Variants in ANK2 observed in about 807,000 individuals in gnomAD.
ANK2 encodes ankyrin 2.
Under a neutral mutation model 360.5 loss-of-function variants are expected in ANK2, and 83 were observed. The observed-to-expected ratio is 0.23, with a 90% CI of 0.19 to 0.28. ANK2 has a LOEUF of 0.28. ANK2 is among the 10% of genes least tolerant of loss of function. The pLI is 1.00. For missense variants in ANK2, 4,201 were observed against 4,795.7 expected, an observed-to-expected ratio of 0.88 and a Z score of 3.66; for synonymous variants, 1,740 against 1,759.5, an observed-to-expected ratio of 0.99 and a Z score of 0.28.
chr4:113,133,529 C>G lies in ANK2; in HGVS notation c.85-40887C>G, dbSNP rs7674211. Among the ~76,000 whole-genome samples, 715 of 152,180 alleles carry G rather than the reference C, an allele frequency of 4.7e-3. 4 individuals carry two copies. The highest frequency in any genetic ancestry group is 0.017 in the African/African-American group (686 of 41,532). Reference sequence around the variant, plus strand: ...CAGATGCCAGATTCCAAATCCCATGCCTTTTCGCTAAACCATGCTATACTA... The same window carrying G: ...CAGATGCCAGATTCCAAATCCCATGGCTTTTCGCTAAACCATGCTATACTA... On this transcript the variant is annotated intron_variant, in intron 1 of 45. Coordinates refer to ENST00000357077, the MANE Select transcript of ANK2 (RefSeq NM_001148.6).
At position 112,881,958 on chromosome 4, in the gene ANK2, A is replaced by T. The variant is rs184771455; in HGVS notation, c.-39-22497A>T. ...CACGGCTGCCATCTACCTCCTCCAC[A>T]GTGGCATACGTGACAAACCCAGAGC... On this transcript the variant is annotated intron_variant, in intron 1 of 30. Transcript: ENST00000503271. 1.9e-3 allele frequency: 1,195 copies of T among 629,528 alleles called. 6 individuals are homozygous for T. Among genetic ancestry groups the T allele is most frequent in the Non-Finnish European group, 2.9e-3 (977 of 340,508 alleles). 39.0% of individuals were successfully genotyped at this position (629,528 alleles called of 1,614,324 possible). A position where few individuals can be genotyped will look rare whatever the true frequency, so the allele number is the denominator to read the frequency against.
chr4:113,370,018 C>T (rs1010185943), intron 43 of ANK2, among the ~76,000 whole-genome samples: 10 of 152,172 alleles, frequency 6.6e-5, no homozygotes, highest in African/African-American at 2.2e-4. Flanking sequence ...GTTGATTTGA[C>T]CATGAGCCCT....
intron 1 of ANK2, among the ~76,000 whole-genome samples, chr4:112,855,225 C>T (rs2066057245): frequency 6.6e-6 from 1 of 152,210 alleles, no homozygotes; most frequent in African/African-American, 2.4e-5. Flanking sequence ...GCTGGGATCA[C>T]CTCGACAGCA....
intron 24 of ANK2, among the ~76,000 whole-genome samples, chr4:113,311,624 AACAAC>A: frequency 6.6e-6 from 1 of 152,254 alleles, no homozygotes; most frequent in Middle Eastern, 3.4e-3. Flanking sequence ...GGTAAAATCA[AACAAC>A]TAGTAAGAAG....
chr4:113,377,749 G>A (rs1208444567), intron 45 of ANK2, among the ~76,000 whole-genome samples: 1 of 152,000 alleles, frequency 6.6e-6, no homozygotes, highest in Non-Finnish European at 1.5e-5. Context: ...ATACCATTTG[G>A]GCCTTGTTTG....
chr4:112,711,999 AT>A, the ANK2 span, among the ~76,000 whole-genome samples: 1 of 149,966 alleles, frequency 6.7e-6, no homozygotes, highest in Non-Finnish European at 1.5e-5. Context: ...TCTATTATTA[AT>A]TGCATTCTTT....
intron 45 of ANK2, among the ~76,000 whole-genome samples, chr4:113,375,542 G>A (rs540518516): frequency 1.1e-4 from 16 of 152,016 alleles, no homozygotes; most frequent in South Asian, 4.2e-4. Flanking sequence ...TGGCTAACAC[G>A]GTGAAACCCT....
At chr4:113,269,300 C>T (rs2057551106) in intron 14 of ANK2, among the ~76,000 whole-genome samples, 2 of 152,236 alleles carry the variant, frequency 1.3e-5, no homozygotes, top group East Asian at 1.9e-4. Context: ...GTCTCACTGG[C>T]GTTCCAGGCG....
chr4:113,241,110 T>C (rs2039602149), intron 8 of ANK2, among the ~76,000 whole-genome samples: 1 of 152,216 alleles, frequency 6.6e-6, no homozygotes, highest in Non-Finnish European at 1.5e-5. Flanking sequence ...TATATATCAG[T>C]ATACTTAATA....
chr4:112,993,515 C>A (rs531394747), intron 2 of ANK2, among the ~76,000 whole-genome samples: 1 of 151,800 alleles, frequency 6.6e-6, no homozygotes, highest in Admixed American at 6.6e-5. Context: ...ACCATTGTGG[C>A]CAGGCTGGTC....
the ANK2 span, among the ~76,000 whole-genome samples, chr4:112,773,989 T>A: frequency 1.3e-5 from 2 of 151,638 alleles, no homozygotes; most frequent in African/African-American, 4.8e-5. Context: ...TTAGTAGAGA[T>A]GGGGTTTGAC....
chr4:113,292,938 G>T, intron 21 of ANK2: 4 of 351,764 alleles, frequency 1.1e-5, no homozygotes, highest in South Asian at 6.9e-5. Context: ...CTGGGATCCC[G>T]AGTGGCCTGG....
chr4:112,861,033 A>G (rs908638902), intron 1 of ANK2, among the ~76,000 whole-genome samples: 20 of 152,336 alleles, frequency 1.3e-4, no homozygotes, highest in African/African-American at 4.3e-4. Flanking sequence ...TAAATCTTAG[A>G]AGAACTATGC....
intron 9 of ANK2, among the ~76,000 whole-genome samples, chr4:113,246,838 A>G (rs2043136714): frequency 6.6e-6 from 1 of 152,212 alleles, no homozygotes; most frequent in South Asian, 2.1e-4. Context: ...CTAACAACTT[A>G]TGAAGTGTGT....
intron 29 of ANK2, 78 bp downstream of exon 29, chr4:113,333,286 G>A (rs1563833689): frequency 1.9e-6 from 3 of 1,553,748 alleles, no homozygotes; most frequent in African/African-American, 1.4e-5. Context: ...TATGACCTAG[G>A]GGTGTGTGTA....
chr4:112,778,394 A>AC, the ANK2 span, among the ~76,000 whole-genome samples: 1 of 151,394 alleles, frequency 6.6e-6, no homozygotes, highest in East Asian at 2.0e-4. Flanking sequence ...CTGGTCTTGA[A>AC]CCCCCAACCT....
At chr4:113,159,637 C>A (rs1366044917) in intron 1 of ANK2, among the ~76,000 whole-genome samples, 2 of 151,396 alleles carry the variant, frequency 1.3e-5, no homozygotes, top group East Asian at 3.9e-4. Context: ...GAGATGGAGT[C>A]TCGCTCTGTC....
chr4:113,287,479 T>G, intron 18 of ANK2, 126 bp from the exon 19 acceptor site: 1 of 774,074 alleles, frequency 1.3e-6, no homozygotes, highest in Non-Finnish European at 2.2e-6. Flanking sequence ...AAGATATAGT[T>G]TCTGGGAAGA....
intron 2 of ANK2, among the ~76,000 whole-genome samples, chr4:113,192,599 T>G (rs2098686311): frequency 6.6e-6 from 1 of 152,168 alleles, no homozygotes; most frequent in Non-Finnish European, 1.5e-5. Context: ...GAGTTTGGAT[T>G]TTTTGCTCTT....
Sources: allele counts gnomAD v4.1 joint callset (sites outside exome capture counted in the v4.1 genomes callset), GRCh38; gene constraint gnomAD v4.1.1; transcripts MANE v1.5; gene names NCBI Gene and HGNC (gene_info 2026-07-23, HGNC 2026-07-21).